Variants in MBP observed in about 807,000 individuals in gnomAD.
MBP encodes myelin basic protein, also known as Golli-MBP.
Under a neutral mutation model 35.8 loss-of-function variants are expected in MBP, and 16 were observed. The ratio of observed to expected loss-of-function variants is 0.45; its 90% CI spans 0.30 to 0.68. The LOEUF is 0.68. MBP is among the 30% of genes least tolerant of loss of function. The probability of loss-of-function intolerance (pLI) is 0.08; values close to 1 mark genes in which losing one functional copy is unlikely to be tolerated. For missense variants in MBP, 380 were observed against 404.7 expected, an observed-to-expected ratio of 0.94 and a Z score of 0.52; for synonymous variants, 143 against 159.6, an observed-to-expected ratio of 0.90 and a Z score of 0.78.
In MBP at chr18:77,057,878, G is replaced by C. The variant is rs1274114548; in HGVS notation, c.139+8420C>G. 3.6e-3 allele frequency among the ~76,000 whole-genome samples: 35 copies of C among 9,810 alleles called. 3 individuals carry two copies. The highest frequency in any genetic ancestry group is 3.6e-3 in the Non-Finnish European group (27 of 7,408). 6.4% of individuals were successfully genotyped at this position (9,810 alleles called of 152,430 possible). On this transcript the variant is annotated intron_variant, in intron 3 of 8. Transcript: ENST00000355994. ...GTCTCGCTCTGTTGCCCAGGCTGGA[G>C]TGCAGTGGTGCGATCTCGGCTCACT...
intron 2 of MBP, among the ~76,000 whole-genome samples, chr18:77,066,858 G>T (rs1254623090): frequency 2.6e-5 from 4 of 152,354 alleles, no homozygotes; most frequent in Middle Eastern, 6.8e-3. Context: ...CTGATGTCCG[G>T]AGGCACTTTT....
chr18:77,015,615 T>A lies in MBP; in HGVS notation c.576+1217A>T, dbSNP rs1178378087. On this transcript the variant is annotated intron_variant, in intron 4 of 8. Transcript: ENST00000355994. The stretch of plus-strand genomic sequence containing the variant: ...TCACGGCAAGTGTCACAACCTGAAA[T>A]CTCAACTCAGACAGATGGTAGAGAT... 3.0e-6 allele frequency: 3 copies of A among 985,312 alleles called. No homozygotes were observed. The African/African-American group carries it at 5.2e-5, about 17-fold the overall frequency. The allele number at this position is 985,312 out of a possible 1,614,324, so 61.0% of individuals were successfully genotyped here. A position where few individuals can be genotyped will look rare whatever the true frequency, so the allele number is the denominator to read the frequency against.
chr18:77,029,069 G>A (rs1464793015), intron 3 of MBP, among the ~76,000 whole-genome samples: 2 of 103,104 alleles, frequency 1.9e-5, no homozygotes, highest in South Asian at 3.1e-4. Context: ...CGGCTGGGAG[G>A]TGGAGGTTGT....
intron 3 of MBP, among the ~76,000 whole-genome samples, chr18:77,053,750 C>G (rs11877231): frequency 6.6e-6 from 1 of 152,156 alleles, no homozygotes; most frequent in Non-Finnish European, 1.5e-5. Context: ...GCAGCAGGGA[C>G]GAGGGGTGTC....
intron 8 of MBP, chr18:76,983,146 C>T (rs1238931080): frequency 6.6e-6 from 1 of 152,234 alleles, no homozygotes; most frequent in Non-Finnish European, 1.5e-5. Context: ...CCTCACTCAT[C>T]TGGGCCCTCC....
intron 3 of MBP, among the ~76,000 whole-genome samples, chr18:77,033,732 A>G (rs486033): frequency 0.95 from 144,435 of 151,642 alleles, 68,799 homozygotes; most frequent in East Asian, 1. Context: ...CTGTCCATCC[A>G]TTTATCTACC....
intron 1 of MBP, chr18:77,113,194 G>C (rs1976533973): frequency 6.6e-6 from 1 of 152,320 alleles, no homozygotes; most frequent in African/African-American, 2.4e-5. Flanking sequence ...ACCCATCTCA[G>C]CCTCCCAAAA....
At position 77,044,216 on chromosome 18, in the gene MBP, C is replaced by T. The variant is rs902988138; in HGVS notation, c.139+22082G>A. ...TCACCTGCTTGTGAACTCCTGACCA[C>T]AGCAGCCTACTCCATGTCCCCCTGT... On this transcript the variant is annotated intron_variant, in intron 3 of 8. Coordinates refer to ENST00000355994, the MANE Select transcript of MBP (RefSeq NM_001025101.2). The surrounding 1 kb of genome is among the most constrained non-coding windows in gnomAD (Gnocchi z 4.4). Among the ~76,000 whole-genome samples the T allele has an allele frequency of 3.9e-5, 6 of 152,160 alleles. No homozygotes were observed. Among genetic ancestry groups the T allele is most frequent in the African/African-American group, 1.4e-4 (6 of 41,420 alleles).
intron 2 of MBP, chr18:77,087,251 A>T (rs557693076): frequency 6.6e-6 from 1 of 151,656 alleles, no homozygotes; most frequent in African/African-American, 2.4e-5. Flanking sequence ...ACCCCCGCGG[A>T]GCCTGGCGGG....
chr18:76,999,461 A>C (rs995894731), intron 4 of MBP, among the ~76,000 whole-genome samples: 1 of 144,484 alleles, frequency 6.9e-6, no homozygotes, highest in African/African-American at 2.5e-5. Context: ...TAGTTTAGGT[A>C]TTTTTTTTTT....
rs946285460 is a variant in MBP, at chr18:76,978,993, G to A, written c.*1434C>T. On this transcript the variant is annotated 3_prime_UTR_variant, in exon 9 of 9. Coordinates refer to ENST00000355994, the MANE Select transcript of MBP (RefSeq NM_001025101.2). Reference sequence around the variant, plus strand: ...AGTGCTTCTGCTGAAAAATTTGGAGGTTTGTGTCTGGAGTTTTGTTCTTTG... The same window carrying A: ...AGTGCTTCTGCTGAAAAATTTGGAGATTTGTGTCTGGAGTTTTGTTCTTTG... 6.6e-6 allele frequency: 1 copy of A among 152,128 alleles called. No homozygotes were observed. Among genetic ancestry groups the A allele is most frequent in the Non-Finnish European group, 1.5e-5 (1 of 68,016 alleles). The allele number at this position is 152,128 out of a possible 1,614,324, so 9.4% of individuals were successfully genotyped here. A position where few individuals can be genotyped will look rare whatever the true frequency, so the allele number is the denominator to read the frequency against.
chr18:77,029,380 C>G (rs62106760), intron 3 of MBP, among the ~76,000 whole-genome samples: 10 of 136,172 alleles, frequency 7.3e-5, no homozygotes, highest in Non-Finnish European at 9.5e-5. Flanking sequence ...AGCTTCGGCT[C>G]GGCATCAGAG....
intron 3 of MBP, among the ~76,000 whole-genome samples, chr18:77,058,209 C>A (rs970904624): frequency 6.6e-6 from 1 of 152,174 alleles, no homozygotes; most frequent in Admixed American, 6.5e-5. Context: ...CCTCCCCAGC[C>A]CTGGACGTCC....
chr18:77,036,182 T>C (rs1415829749), intron 3 of MBP, among the ~76,000 whole-genome samples: 3 of 129,412 alleles, frequency 2.3e-5, no homozygotes, highest in African/African-American at 9.2e-5. Context: ...GCTGAGCAAG[T>C]GCTGGTCACA....
Position 76,988,374 on chromosome 18 carries a change from G to C in MBP, c.750+121C>G, listed in dbSNP as rs760798629. ...GCCCGATCCCAGCTGTGGGCAGAGA[G>C]GTCTCGAGAGGAGAGAAAAGGAGGC... On this transcript the variant is annotated intron_variant, in intron 7 of 8. Coordinates refer to ENST00000355994, the MANE Select transcript of MBP (RefSeq NM_001025101.2). The surrounding 1 kb of genome is among the most constrained non-coding windows in gnomAD (Gnocchi z 5.2). The C allele has an allele frequency of 1.3e-4, 205 of 1,612,960 alleles. No homozygotes were observed. The highest frequency in any genetic ancestry group is 1.6e-4 in the Non-Finnish European group (194 of 1,179,444).
At chr18:77,053,515 C>T (rs1379585036) in intron 3 of MBP, among the ~76,000 whole-genome samples, 3 of 152,116 alleles carry the variant, frequency 2.0e-5, no homozygotes, top group African/African-American at 4.8e-5. Flanking sequence ...ATAGTGTGCA[C>T]CCCACATGCT....
chr18:76,995,597 G>T (rs1490082961), intron 4 of MBP, among the ~76,000 whole-genome samples: 4 of 151,976 alleles, frequency 2.6e-5, no homozygotes, highest in African/African-American at 9.7e-5. Flanking sequence ...TCAACAAACA[G>T]CATTGAAGCA....
At chr18:76,986,696 A>G (rs916719372) in intron 7 of MBP, 42 of 985,436 alleles carry the variant, frequency 4.3e-5, no homozygotes, top group Non-Finnish European at 4.8e-5. Flanking sequence ...CCCTGATGGC[A>G]GAGGGCAGGT....
At position 77,132,657 on chromosome 18, in the gene MBP, A is replaced by T. The variant is rs1977324536; in HGVS notation, c.-103T>A. 1 of 151,972 alleles carries T rather than the reference A, an allele frequency of 6.6e-6. No individual in the cohort carries two copies. The highest frequency in any genetic ancestry group is 2.4e-5 in the African/African-American group (1 of 41,370). The allele number at this position is 151,972 out of a possible 1,614,324, so 9.4% of individuals were successfully genotyped here. On this transcript the variant is annotated 5_prime_UTR_variant, in exon 1 of 9. Transcript: ENST00000355994. ...CTGCTCCGCCTGCCCAGGCCCGGGC[A>T]GGCTGGTCTCGGCTTCAAGCGCCCA...
Sources: gnomAD v4.1 joint callset for allele counts (sites outside exome capture counted in the v4.1 genomes callset) on GRCh38, gnomAD v4.1.1 for gene constraint, Gnocchi (gnomAD v3.1) non-coding constraint, MANE v1.5 for transcripts, NCBI Gene and HGNC (gene_info 2026-07-23, HGNC 2026-07-21) for gene names.